Variants in TLCD4 observed in about 807,000 individuals in gnomAD.
TLCD4 encodes TLC domain-containing protein 4.
A neutral mutation model predicts 24.2 loss-of-function variants in TLCD4; 7 were observed. The observed-to-expected ratio is 0.29, with a 90% CI of 0.16 to 0.54. The LOEUF is 0.54. TLCD4 is among the 20% of genes least tolerant of loss of function. The pLI is 0.95. For synonymous variants in TLCD4, 103 were observed against 106.4 expected (o/e 0.97, Z 0.20); for missense variants, 259 against 313.9 (o/e 0.82, Z 1.32).
chr1:95,165,620 C>A (rs1300416369), intron 5 of TLCD4, among the ~76,000 whole-genome samples: 1 of 152,118 alleles, frequency 6.6e-6, no homozygotes, highest in Non-Finnish European at 1.5e-5. Context: ...CACCTGCCAC[C>A]ATGCCCGGCT....
the TLCD4 span, among the ~76,000 whole-genome samples, chr1:95,096,794 A>T: frequency 6.6e-6 from 1 of 152,054 alleles, no homozygotes; most frequent in Non-Finnish European, 1.5e-5. Context: ...ACTCGGCCCC[A>T]TCCTGTGGTT....
At chr1:95,182,438 T>G (rs1005290911) in intron 6 of TLCD4, among the ~76,000 whole-genome samples, 5 of 152,176 alleles carry the variant, frequency 3.3e-5, no homozygotes, top group African/African-American at 1.2e-4. Context: ...AAAAGACACA[T>G]ACTCAGAAGT....
the TLCD4 span, among the ~76,000 whole-genome samples, chr1:95,106,034 A>AC: frequency 6.6e-6 from 1 of 151,966 alleles, no homozygotes; most frequent in South Asian, 2.1e-4. Context: ...GTCAATGATG[A>AC]CCCCCAGGTC....
chr1:95,127,317 G>A (rs1016369320), intron 1 of TLCD4, among the ~76,000 whole-genome samples: 1 of 152,172 alleles, frequency 6.6e-6, no homozygotes, highest in Admixed American at 6.5e-5. Flanking sequence ...GAAGGCAGCA[G>A]GCAAAGCCCT....
intron 6 of TLCD4, chr1:95,174,182 C>A (rs1421520557): frequency 5.6e-6 from 2 of 353,992 alleles, no homozygotes; most frequent in African/African-American, 4.2e-5. Context: ...ACGTTGTACA[C>A]TGCAAGATGA....
chr1:95,107,422 TAAAC>T, the TLCD4 span, among the ~76,000 whole-genome samples: 9 of 152,146 alleles, frequency 5.9e-5, no homozygotes, highest in East Asian at 7.7e-4. Flanking sequence ...GACTCTGTCT[TAAAC>T]AAACAAACAA....
intron 1 of TLCD4, among the ~76,000 whole-genome samples, chr1:95,122,594 C>G (rs1435410074): frequency 2.6e-5 from 4 of 152,144 alleles, no homozygotes; most frequent in African/African-American, 4.8e-5. Context: ...TCTCTGTTAT[C>G]TCTGACAACT....
At chr1:95,171,595 A>C (rs553810026) in intron 5 of TLCD4, among the ~76,000 whole-genome samples, 5 of 152,342 alleles carry the variant, frequency 3.3e-5, no homozygotes, top group Non-Finnish European at 5.9e-5. Flanking sequence ...TATGATATCA[A>C]CACCAGAGTG....
intron 1 of TLCD4, among the ~76,000 whole-genome samples, chr1:95,141,111 A>T (rs1677186263): frequency 6.6e-6 from 1 of 152,196 alleles, no homozygotes; most frequent in South Asian, 2.1e-4. Context: ...TTTAAATGAA[A>T]CATTTTTCCA....
intron 6 of TLCD4, among the ~76,000 whole-genome samples, chr1:95,189,924 A>G (rs557513775): frequency 6.6e-6 from 1 of 152,278 alleles, no homozygotes; most frequent in African/African-American, 2.4e-5. Flanking sequence ...GTTTAGTTTT[A>G]TGCCTGCTAA....
the TLCD4 span, among the ~76,000 whole-genome samples, chr1:95,112,160 G>A: frequency 2.0e-5 from 3 of 152,056 alleles, no homozygotes; most frequent in South Asian, 2.1e-4. Context: ...TTCCTGTGGC[G>A]ACAACCAAGA....
At chr1:95,132,927 T>G (rs1018109930) in intron 1 of TLCD4, among the ~76,000 whole-genome samples, 1 of 152,106 alleles carries the variant, frequency 6.6e-6, no homozygotes, top group Non-Finnish European at 1.5e-5. Context: ...GCAGTCATTG[T>G]TAACCTTAGC....
intron 5 of TLCD4, among the ~76,000 whole-genome samples, chr1:95,160,989 C>A (rs1392629441): frequency 6.6e-6 from 1 of 152,080 alleles, no homozygotes; most frequent in Non-Finnish European, 1.5e-5. Context: ...CTCTGCCAGG[C>A]TTTGGTATCA....
intron 5 of TLCD4, among the ~76,000 whole-genome samples, chr1:95,157,214 TTTAC>T (rs1233603981): frequency 2.6e-5 from 4 of 152,190 alleles, no homozygotes; most frequent in East Asian, 1.9e-4. Context: ...AATTATATTA[TTTAC>T]TTACTTAACA....
intron 6 of TLCD4, among the ~76,000 whole-genome samples, chr1:95,180,263 C>G (rs1460530894): frequency 6.6e-6 from 1 of 152,190 alleles, no homozygotes; most frequent in Non-Finnish European, 1.5e-5. Context: ...TTGTTTGAAA[C>G]TCTTTTAGAG....
At chr1:95,166,623 G>C (rs570109264) in intron 5 of TLCD4, among the ~76,000 whole-genome samples, 193 of 152,278 alleles carry the variant, frequency 1.3e-3, no homozygotes, top group Non-Finnish European at 1.9e-3. Flanking sequence ...CTGAACCTTA[G>C]ACCTGTGTGG....
At chr1:95,126,977 A>T (rs1234692715) in intron 1 of TLCD4, among the ~76,000 whole-genome samples, 1 of 152,190 alleles carries the variant, frequency 6.6e-6, no homozygotes, top group Non-Finnish European at 1.5e-5. Flanking sequence ...ATGGCCACTA[A>T]ATGGTTTACC....
At chr1:95,185,334 C>T (rs972983447) in intron 6 of TLCD4, among the ~76,000 whole-genome samples, 2 of 152,132 alleles carry the variant, frequency 1.3e-5, no homozygotes, top group African/African-American at 4.8e-5. Flanking sequence ...GATGAGGACT[C>T]TCCTCTGAGT....
intron 5 of TLCD4, among the ~76,000 whole-genome samples, chr1:95,158,324 A>G (rs1352580798): frequency 2.0e-5 from 3 of 151,108 alleles, no homozygotes; most frequent in Non-Finnish European, 4.4e-5. Flanking sequence ...AGTAGCTGAG[A>G]CATTCGCCAC....
Sources: allele counts gnomAD v4.1 joint callset (sites outside exome capture counted in the v4.1 genomes callset), GRCh38; gene constraint gnomAD v4.1.1; transcripts MANE v1.5; gene names NCBI Gene and HGNC (gene_info 2026-07-23, HGNC 2026-07-21).